BRINP3: variants seen among roughly 807,000 people sequenced by gnomAD.
BRINP3 encodes BMP/retinoic acid inducible neural specific 3.
A neutral mutation model predicts 71.0 loss-of-function variants in BRINP3; 19 were observed. The ratio of observed to expected loss-of-function variants is 0.27; its 90% CI spans 0.19 to 0.39. The LOEUF is 0.39. BRINP3 is among the 10% of genes least tolerant of loss of function. BRINP3 has a pLI of 1.00. For missense variants in BRINP3, 959 were observed against 940.8 expected, an observed-to-expected ratio of 1.02 and a Z score of -0.25; for synonymous variants, 380 against 337.7, an observed-to-expected ratio of 1.13 and a Z score of -1.37.
Position 190,203,505 on chromosome 1 carries a change from C to A in BRINP3, c.961+22577G>T, listed in dbSNP as rs183969250. Reference sequence around the variant, plus strand: ...TATATATATATATACATATATCTTACAACTCCAATTGACTGGATGTCTCTA... The same window carrying A: ...TATATATATATATACATATATCTTAAAACTCCAATTGACTGGATGTCTCTA... On this transcript the variant is annotated intron_variant, in intron 6 of 7. Coordinates refer to ENST00000367462, the MANE Select transcript of BRINP3 (RefSeq NM_199051.3). Among the ~76,000 whole-genome samples the A allele has an allele frequency of 1.4e-4, 21 of 146,224 alleles. 1 individual carries two copies. Among genetic ancestry groups the A allele is most frequent in the Admixed American group, 1.4e-3 (20 of 14,488 alleles).
chr1:190,448,529 A>G (rs1675389057), intron 2 of BRINP3, among the ~76,000 whole-genome samples: 1 of 151,120 alleles, frequency 6.6e-6, no homozygotes, highest in Non-Finnish European at 1.5e-5. Flanking sequence ...ATAGCAGATT[A>G]AAGTTTCTTG....
chr1:190,346,458 C>A (rs1302235256), intron 2 of BRINP3, among the ~76,000 whole-genome samples: 2 of 151,872 alleles, frequency 1.3e-5, no homozygotes, highest in Non-Finnish European at 2.9e-5. Flanking sequence ...TATTTCTGTA[C>A]TATTTTCTCT....
chr1:190,325,487 T>G (rs537737696), intron 2 of BRINP3, among the ~76,000 whole-genome samples: 15 of 152,088 alleles, frequency 9.9e-5, no homozygotes, highest in African/African-American at 3.6e-4. Flanking sequence ...GTAGGAGAAG[T>G]CATCGGAAGT....
At chr1:190,113,227 C>T (rs1281270139) in intron 7 of BRINP3, among the ~76,000 whole-genome samples, 1 of 152,030 alleles carries the variant, frequency 6.6e-6, no homozygotes, top group Non-Finnish European at 1.5e-5. Flanking sequence ...CACTCCTCCT[C>T]ATCCTTAATT....
rs187790815 is a variant in BRINP3 at position 190,242,711 on chromosome 1, T to A, written c.619-8234A>T. ...AGGAGAAATAGTGATACTCGAAACA[T>A]AAGGATCGAAAGTATGATTGCAAAC... On this transcript the variant is annotated intron_variant, in intron 4 of 7. Coordinates refer to ENST00000367462, the MANE Select transcript of BRINP3 (RefSeq NM_199051.3). Among the ~76,000 whole-genome samples, 305 of 152,160 alleles carry A rather than the reference T, an allele frequency of 2.0e-3. 1 individual carries two copies. Among genetic ancestry groups the A allele is most frequent in the African/African-American group, 6.2e-3 (256 of 41,552 alleles).
intron 4 of BRINP3, among the ~76,000 whole-genome samples, chr1:190,260,078 AAAAAG>A (rs540619725): frequency 0.014 from 2,177 of 151,494 alleles, 24 homozygotes; most frequent in Non-Finnish European, 0.023. Context: ...CACAAAAAAA[AAAAAG>A]AAAAAGAAAA....
intron 3 of BRINP3, among the ~76,000 whole-genome samples, chr1:190,269,104 C>T (rs1661891398): frequency 6.6e-6 from 1 of 152,054 alleles, no homozygotes; most frequent in Non-Finnish European, 1.5e-5. Flanking sequence ...CAGGCTGACA[C>T]ATGAATAGGC....
chr1:190,389,879 T>A (rs1193519207), intron 2 of BRINP3, among the ~76,000 whole-genome samples: 1 of 151,502 alleles, frequency 6.6e-6, no homozygotes, highest in Admixed American at 6.6e-5. Flanking sequence ...GTGGAAGAAG[T>A]GAAATAAAAT....
At chr1:190,281,307 A>G (rs2102935894) in intron 3 of BRINP3, among the ~76,000 whole-genome samples, 1 of 152,054 alleles carries the variant, frequency 6.6e-6, no homozygotes, top group South Asian at 2.1e-4. Flanking sequence ...GAGTGCAACA[A>G]TTATGTCAAA....
At chr1:190,395,921 T>C (rs990380216) in intron 2 of BRINP3, among the ~76,000 whole-genome samples, 1 of 151,482 alleles carries the variant, frequency 6.6e-6, no homozygotes, top group Non-Finnish European at 1.5e-5. Flanking sequence ...CCTTCACAGA[T>C]TCTCTTTCAT....
At chr1:190,210,828 G>T (rs914483519) in intron 6 of BRINP3, among the ~76,000 whole-genome samples, 4 of 151,996 alleles carry the variant, frequency 2.6e-5, no homozygotes, top group African/African-American at 9.7e-5. Flanking sequence ...CCTCAATCTG[G>T]GTGGGCACCA....
At chr1:190,378,490 T>C (rs767162244) in intron 2 of BRINP3, among the ~76,000 whole-genome samples, 18 of 152,194 alleles carry the variant, frequency 1.2e-4, no homozygotes, top group Non-Finnish European at 1.6e-4. Flanking sequence ...GCAAATAGTC[T>C]TGAAACCTAG....
At chr1:190,125,267 A>T (rs1653992695) in intron 7 of BRINP3, among the ~76,000 whole-genome samples, 1 of 151,822 alleles carries the variant, frequency 6.6e-6, no homozygotes, top group Non-Finnish European at 1.5e-5. Context: ...ATGTCTATAT[A>T]TGCCTATATA....
chr1:190,451,261 A>G (rs778734874), intron 2 of BRINP3, among the ~76,000 whole-genome samples: 58 of 152,184 alleles, frequency 3.8e-4, no homozygotes, highest in Non-Finnish European at 7.5e-4. Context: ...TATGATAATG[A>G]AAGTTGCCAG....
rs182161132 is a variant in BRINP3 at position 190,444,763 on chromosome 1, T to A, written c.236+9892A>T. On this transcript the variant is annotated intron_variant, in intron 2 of 7. Transcript: ENST00000367462. ...ATTTGCCAGACTGGTCTCGAATTCC[T>A]GACCTGGTGATCTGTCTGCCTTGGC... is the stretch of plus-strand genomic sequence containing the variant. Among the ~76,000 whole-genome samples, 11 of 152,242 alleles carry A rather than the reference T, an allele frequency of 7.2e-5. No homozygotes were observed. In the East Asian group the frequency reaches 2.1e-3, roughly 30 times the overall value.
intron 2 of BRINP3, among the ~76,000 whole-genome samples, chr1:190,450,760 C>CTT: frequency 6.6e-6 from 1 of 151,966 alleles, no homozygotes; most frequent in South Asian, 2.1e-4. Flanking sequence ...ATAAAATAGG[C>CTT]TTATATATAT....
intron 2 of BRINP3, among the ~76,000 whole-genome samples, chr1:190,365,587 TTAA>T (rs962387695): frequency 3.1e-4 from 46 of 146,412 alleles, no homozygotes; most frequent in African/African-American, 9.8e-4. Context: ...TGATATTAAT[TTAA>T]TATTATAACA....
Position 190,224,229 on chromosome 1 carries a change from G to A in BRINP3, c.961+1853C>T, listed in dbSNP as rs181220965. ...CAAAGCTAGAATCATCACACCACCT[G>A]ACTTCAAATTTACTACAAAGCTATC... On this transcript the variant is annotated intron_variant, in intron 6 of 7. Coordinates refer to ENST00000367462, the MANE Select transcript of BRINP3 (RefSeq NM_199051.3). Among the ~76,000 whole-genome samples, 384 of 151,764 alleles carry A rather than the reference G, an allele frequency of 2.5e-3. 3 individuals are homozygous for A. Among genetic ancestry groups the A allele is most frequent in the Middle Eastern group, 0.01 (3 of 294 alleles).
At chr1:190,166,958 C>G (rs1340718934) in intron 6 of BRINP3, among the ~76,000 whole-genome samples, 2 of 152,030 alleles carry the variant, frequency 1.3e-5, no homozygotes, top group Admixed American at 1.3e-4. Flanking sequence ...CTCCTGACCT[C>G]GGGTGATCTG....
Sources: allele counts gnomAD v4.1 joint callset (sites outside exome capture counted in the v4.1 genomes callset), GRCh38; gene constraint gnomAD v4.1.1; transcripts MANE v1.5; gene names NCBI Gene and HGNC (gene_info 2026-07-23, HGNC 2026-07-21).